PATL2: variants seen among roughly 807,000 people sequenced by gnomAD.
The protein encoded by PATL2 is protein PAT1 homolog 2.
A neutral mutation model predicts 77.0 loss-of-function variants in PATL2; 73 were observed. That is an observed-to-expected ratio of 0.95 (90% confidence interval 0.78 to 1.15). The LOEUF (loss-of-function observed/expected upper bound fraction) is 1.15, where lower values mean the gene tolerates loss of function less well. Ranked by LOEUF, PATL2 falls within the 50% of genes most tolerant of loss-of-function variation. PATL2 has a pLI of 0.00. For missense variants in PATL2, 618 were observed against 655.4 expected (o/e 0.94, Z 0.62); for synonymous variants, 265 against 257.1 (o/e 1.03, Z -0.29).
At position 44,675,466 on chromosome 15, in the gene PATL2, A is replaced by G; in HGVS notation, c.222+20T>C. On this transcript the variant is annotated intron_variant, in intron 5 of 17. Coordinates refer to ENST00000682850, the MANE Select transcript of PATL2 (RefSeq NM_001387263.1). ...AGACAGTTCAGGACAACCCTCTCCC[A>G]TTCCCTTCTGCCATGGTACCTGGGT... The G allele has an allele frequency of 6.5e-7, 1 of 1,547,052 alleles. No homozygotes were observed. Among genetic ancestry groups the G allele is most frequent in the Non-Finnish European group, 8.7e-7 (1 of 1,144,312 alleles).
chr15:44,676,651 C>A, intron 3 of PATL2, 86 bp from the exon 4 acceptor site: 4 of 1,330,296 alleles, frequency 3.0e-6, no homozygotes, highest in South Asian at 1.3e-5. Flanking sequence ...ATCCTCCCAG[C>A]AAGATGGTTA....
chr15:44,687,853 A>T (rs1170448435), intron 3 of PATL2, among the ~76,000 whole-genome samples: 2 of 152,230 alleles, frequency 1.3e-5, no homozygotes, highest in African/African-American at 4.8e-5. Flanking sequence ...AGTCATGTGA[A>T]GGACCTCTTC....
At chr15:44,680,162 C>A (rs1364455619) in intron 3 of PATL2, among the ~76,000 whole-genome samples, 3 of 152,194 alleles carry the variant, frequency 2.0e-5, no homozygotes, top group Non-Finnish European at 4.4e-5. Context: ...CTGTTCACAC[C>A]TTGGTGAATA....
intron 7 of PATL2, 81 bp downstream of exon 7, chr15:44,673,154 T>G: frequency 6.8e-7 from 1 of 1,467,950 alleles, no homozygotes; most frequent in South Asian, 1.3e-5. Flanking sequence ...TGTGTTTCCC[T>G]GTGGCAACTG....
chr15:44,674,365 C>T lies in PATL2; in HGVS notation c.223-135G>A, dbSNP rs963664016. On this transcript the variant is annotated intron_variant, in intron 5 of 17. Coordinates refer to ENST00000682850, the MANE Select transcript of PATL2 (RefSeq NM_001387263.1). ...ACATCCAGGGCAGTGGCAGCTTGGC[C>T]CTCCCTCAGATTCAAAGTCAGCTGG... 45 of 664,894 alleles carry T rather than the reference C, an allele frequency of 6.8e-5. 1 individual carries two copies. The South Asian group carries it at 8.7e-4, about 13-fold the overall frequency. The allele number at this position is 664,894 out of a possible 1,614,324, so 41.2% of individuals were successfully genotyped here.
At chr15:44,666,636 T>G (rs1566845751) in intron 16 of PATL2, 95 bp from the exon 17 acceptor site, 2 of 1,292,690 alleles carry the variant, frequency 1.5e-6, no homozygotes, top group Non-Finnish European at 2.1e-6. Context: ...ACTACTACCA[T>G]TGTCCCCCAC....
In PATL2 at chr15:44,678,723, A is replaced by G. The variant is rs563123495; in HGVS notation, c.-75-2158T>C. 3.2e-4 allele frequency among the ~76,000 whole-genome samples: 48 copies of G among 152,246 alleles called. No individual in the cohort carries two copies. The South Asian group carries it at 9.8e-3, about 31-fold the overall frequency. On this transcript the variant is annotated intron_variant, in intron 3 of 17. Transcript: ENST00000682850. ...CACTTTGGGAAGCTGAGGCAGGAGG[A>G]TAGCTTGAGCCCATGAGTTCAAGAC...
chr15:44,680,484 C>T (rs370860962), intron 3 of PATL2, among the ~76,000 whole-genome samples: 2 of 152,108 alleles, frequency 1.3e-5, no homozygotes, highest in Admixed American at 1.3e-4. Flanking sequence ...CAGCCACAGG[C>T]CCCCCACCTT....
intron 3 of PATL2, among the ~76,000 whole-genome samples, chr15:44,683,805 A>G (rs901300745): frequency 1.3e-5 from 2 of 152,014 alleles, no homozygotes; most frequent in African/African-American, 4.8e-5. Flanking sequence ...ACTGGGAGAC[A>G]CCTCCCAGCA....
intron 9 of PATL2, among the ~76,000 whole-genome samples, chr15:44,670,616 G>A (rs990075912): frequency 6.6e-6 from 1 of 152,124 alleles, no homozygotes; most frequent in African/African-American, 2.4e-5. Context: ...ACCCATCTTG[G>A]AATTCACATA....
chr15:44,673,458 T>C lies in PATL2; in HGVS notation c.304-81A>G, dbSNP rs144745383. 7.3e-4 allele frequency: 1,088 copies of C among 1,487,112 alleles called. 10 individuals are homozygous for C. Among genetic ancestry groups the C allele is most frequent in the Middle Eastern group, 2.4e-3 (14 of 5,776 alleles). 92.1% of individuals were successfully genotyped at this position (1,487,112 alleles called of 1,614,324 possible). A position where few individuals can be genotyped will look rare whatever the true frequency, so the allele number is the denominator to read the frequency against. The stretch of plus-strand genomic sequence containing the variant: ...CTCTTGTTGTGAGGGCTCAGTTCCT[T>C]TCCTACCTTTTCCCCTCAAGAACTT... On this transcript the variant is annotated intron_variant, in intron 6 of 17. Coordinates refer to ENST00000682850, the MANE Select transcript of PATL2 (RefSeq NM_001387263.1).
At chr15:44,710,769 C>T (rs963225608) in intron 2 of PATL2, among the ~76,000 whole-genome samples, 102 bp downstream of exon 2, 4 of 152,154 alleles carry the variant, frequency 2.6e-5, no homozygotes, top group Non-Finnish European at 5.9e-5. Context: ...ACCTAGAGGG[C>T]GCTGGAAGCT....
intron 3 of PATL2, among the ~76,000 whole-genome samples, chr15:44,703,104 T>C (rs747430209): frequency 1.6e-4 from 25 of 152,100 alleles, no homozygotes; most frequent in Admixed American, 3.9e-4. Context: ...AGAAACCCCA[T>C]CTGTACTAAA....
intron 8 of PATL2, 69 bp from the exon 9 acceptor site, chr15:44,672,225 A>G (rs1401336738): frequency 6.5e-7 from 1 of 1,550,114 alleles, no homozygotes; most frequent in Admixed American, 2.0e-5. Flanking sequence ...TGTGGTGAGC[A>G]GGAAGTGGGG....
chr15:44,683,217 G>A (rs780905463), intron 3 of PATL2, among the ~76,000 whole-genome samples: 12 of 151,846 alleles, frequency 7.9e-5, no homozygotes, highest in African/African-American at 1.9e-4. Context: ...CCCCAGTGGC[G>A]TCTGGCATGC....
chr15:44,700,363 G>A (rs183039377), intron 3 of PATL2, among the ~76,000 whole-genome samples: 1 of 152,078 alleles, frequency 6.6e-6, no homozygotes, highest in South Asian at 2.1e-4. Flanking sequence ...GTGCAGTGGT[G>A]CCATCTTGGT....
chr15:44,684,150 C>A (rs938930548), intron 3 of PATL2, among the ~76,000 whole-genome samples: 1 of 151,704 alleles, frequency 6.6e-6, no homozygotes, highest in South Asian at 2.1e-4. Flanking sequence ...AAAACCAGCA[C>A]AAAAAGGCTG....
chr15:44,707,227 GGCCACTT>G (rs1260170847), intron 3 of PATL2, among the ~76,000 whole-genome samples: 1 of 151,994 alleles, frequency 6.6e-6, no homozygotes, highest in Non-Finnish European at 1.5e-5. Flanking sequence ...GACCTTAAGA[GGCCACTT>G]GGTATTCTAA....
intron 4 of PATL2, 75 bp from the exon 5 acceptor site, chr15:44,675,766 T>C: frequency 4.0e-6 from 5 of 1,255,398 alleles, no homozygotes; most frequent in Non-Finnish European, 5.5e-6. Flanking sequence ...AGGCTGCTAC[T>C]CAATAGCACT....
Sources: gnomAD v4.1 joint callset for allele counts (sites outside exome capture counted in the v4.1 genomes callset) on GRCh38, gnomAD v4.1.1 for gene constraint, MANE v1.5 for transcripts, NCBI Gene and HGNC (gene_info 2026-07-23, HGNC 2026-07-21) for gene names.